The following SAMMSON variants were observed in gnomAD, a reference collection of about 807,000 sequenced individuals.
SAMMSON encodes long intergenic non-protein coding RNA 1212.
At chr3:70,105,076 C>G (rs2106656836) in intron 4 of SAMMSON, among the ~76,000 whole-genome samples, 1 of 152,202 alleles carries the variant, frequency 6.6e-6, no homozygotes, top group African/African-American at 2.4e-5. Context: ...TAGAACCTTA[C>G]TCAGGGAGAG....
chr3:70,012,101 G>T (rs955793690), intron 1 of SAMMSON, among the ~76,000 whole-genome samples: 3 of 152,090 alleles, frequency 2.0e-5, no homozygotes, highest in African/African-American at 7.2e-5. Context: ...ATGATCCAGA[G>T]CTGGAGGAAA....
At chr3:70,381,731 C>T (rs1703070410) in intron 9 of SAMMSON, among the ~76,000 whole-genome samples, 1 of 151,908 alleles carries the variant, frequency 6.6e-6, no homozygotes, top group African/African-American at 2.4e-5. Flanking sequence ...CAGACAAATC[C>T]AGAATGAGGA....
intron 4 of SAMMSON, among the ~76,000 whole-genome samples, chr3:70,139,485 G>C (rs926359300): frequency 1.3e-5 from 2 of 152,102 alleles, no homozygotes; most frequent in African/African-American, 4.8e-5. Context: ...TGTCCTTGTT[G>C]GGGCTCCTTG....
At chr3:70,406,679 C>G (rs1701180760) in intron 2 of SAMMSON, among the ~76,000 whole-genome samples, 1 of 151,840 alleles carries the variant, frequency 6.6e-6, no homozygotes. Context: ...TGTGGTAATC[C>G]TAGAACAATC....
At chr3:70,325,142 T>C (rs754403504) in intron 7 of SAMMSON, among the ~76,000 whole-genome samples, 3 of 152,126 alleles carry the variant, frequency 2.0e-5, no homozygotes, top group Admixed American at 1.3e-4. Context: ...TGGTTTCTCT[T>C]GGTGATGCAA....
intron 3 of SAMMSON, among the ~76,000 whole-genome samples, chr3:70,051,734 A>T (rs1440111510): frequency 8.1e-6 from 1 of 123,682 alleles, no homozygotes; most frequent in African/African-American, 3.2e-5. Context: ...CTATTAACTT[A>T]ATAAATTTAT....
At chr3:70,170,717 G>T (rs1004485156) in intron 4 of SAMMSON, among the ~76,000 whole-genome samples, 3 of 149,848 alleles carry the variant, frequency 2.0e-5, no homozygotes, top group Non-Finnish European at 1.5e-5. Context: ...AGCTAGATAT[G>T]AATAAAGATT....
intron 7 of SAMMSON, among the ~76,000 whole-genome samples, chr3:70,294,228 A>G (rs768452725): frequency 1.2e-4 from 18 of 152,192 alleles, no homozygotes; most frequent in Non-Finnish European, 2.2e-4. Context: ...TAGAATAAAA[A>G]TTACATTAAA....
chr3:70,224,523 A>G (rs1014287465), intron 4 of SAMMSON, among the ~76,000 whole-genome samples: 3 of 152,170 alleles, frequency 2.0e-5, no homozygotes, highest in Admixed American at 2.0e-4. Flanking sequence ...ATAGGAAAGC[A>G]CCCTGCAGAG....
At chr3:70,125,809 C>G in intron 4 of SAMMSON, 1 of 660,874 alleles carries the variant, frequency 1.5e-6, no homozygotes, top group Non-Finnish European at 2.7e-6. Flanking sequence ...TGTTTTGGGT[C>G]TTTGGGGCTG....
At chr3:70,075,495 A>G (rs532257348) in intron 4 of SAMMSON, 35 of 152,266 alleles carry the variant, frequency 2.3e-4, no homozygotes, top group African/African-American at 6.7e-4. Context: ...GTTTCACTGG[A>G]CCTTAGCTGT....
At chr3:70,331,037 C>A (rs1702617837) in intron 7 of SAMMSON, among the ~76,000 whole-genome samples, 1 of 152,060 alleles carries the variant, frequency 6.6e-6, no homozygotes, top group South Asian at 2.1e-4. Context: ...CATAAAAACC[C>A]TGTGGTGATA....
intron 6 of SAMMSON, among the ~76,000 whole-genome samples, chr3:70,262,381 C>T (rs1447792170): frequency 2.0e-5 from 3 of 152,076 alleles, no homozygotes; most frequent in African/African-American, 4.8e-5. Context: ...AAAAATATAA[C>T]GGACAATAAC....
chr3:70,005,385 A>G (rs1576092136), intron 1 of SAMMSON, among the ~76,000 whole-genome samples: 2 of 152,202 alleles, frequency 1.3e-5, no homozygotes, highest in Non-Finnish European at 2.9e-5. Flanking sequence ...TGGGAGCTAC[A>G]AGAAGATGCT....
intron 7 of SAMMSON, among the ~76,000 whole-genome samples, chr3:70,293,029 T>C (rs114275883): frequency 0.059 from 8,452 of 143,996 alleles, 382 homozygotes; most frequent in Non-Finnish European, 0.088. Flanking sequence ...AGAACTTTGA[T>C]TTCTGTGGTT....
rs115586760 is a variant in SAMMSON at position 70,020,539 on chromosome 3, G to A, written n.417+6867G>A. Among the ~76,000 whole-genome samples, 793 of 152,192 alleles carry A rather than the reference G, an allele frequency of 5.2e-3. 5 individuals carry two copies. The highest frequency in any genetic ancestry group is 0.018 in the African/African-American group (728 of 41,536). Reference sequence around the variant, plus strand: ...AGGCAAACTTGTCAAAGAGGTGGTGGTGTTTATTGCAGAGTCTTCCCATCC... The same window carrying A: ...AGGCAAACTTGTCAAAGAGGTGGTGATGTTTATTGCAGAGTCTTCCCATCC... On this transcript the variant is annotated intron_variant and non_coding_transcript_variant, in intron 3 of 9. Coordinates refer to ENST00000642114, the Ensembl canonical transcript of SAMMSON.
At chr3:70,360,389 C>A (rs536299611) in intron 9 of SAMMSON, among the ~76,000 whole-genome samples, 16 of 152,218 alleles carry the variant, frequency 1.1e-4, no homozygotes, top group African/African-American at 2.4e-4. Context: ...GACATTAATT[C>A]TTTTGCAGTA....
At chr3:70,223,750 A>G (rs1445721786) in intron 4 of SAMMSON, among the ~76,000 whole-genome samples, 1 of 152,208 alleles carries the variant, frequency 6.6e-6, no homozygotes, top group Non-Finnish European at 1.5e-5. Context: ...AGCTGGTTGC[A>G]TGCAATCAAT....
At chr3:70,299,337 CACAA>C (rs1702323065) in intron 7 of SAMMSON, among the ~76,000 whole-genome samples, 5 of 145,146 alleles carry the variant, frequency 3.4e-5, no homozygotes, top group African/African-American at 5.1e-5. Context: ...TGTATACACA[CACAA>C]ATATAAAGCA....
Sources: allele counts gnomAD v4.1 joint callset (sites outside exome capture counted in the v4.1 genomes callset), GRCh38; gene constraint gnomAD v4.1.1; transcripts MANE v1.5; gene names NCBI Gene and HGNC (gene_info 2026-07-23, HGNC 2026-07-21).